The following AKAP14 variants were observed in gnomAD, a reference collection of about 807,000 sequenced individuals.
AKAP14 encodes A-kinase anchor protein 14.
A neutral mutation model predicts 17.0 loss-of-function variants in AKAP14; 4 were observed. The observed-to-expected ratio is 0.23, with a 90% CI of 0.12 to 0.54. The LOEUF (loss-of-function observed/expected upper bound fraction) is 0.54. Among genes scored for constraint, AKAP14 ranks in the 20% least tolerant of loss-of-function variants. AKAP14 has a pLI of 0.95. For missense variants in AKAP14, 129 were observed against 150.9 expected (o/e 0.85, Z 0.76); for synonymous variants, 42 against 51.3 (o/e 0.82, Z 0.77).
At chrX:119,904,418 C>T (rs1455294339) in intron 4 of AKAP14, among the ~76,000 whole-genome samples, 2 of 112,415 alleles carry the variant, frequency 1.8e-5, no homozygotes, top group Non-Finnish European at 3.8e-5. Flanking sequence ...CTGAGAAGGC[C>T]CTGGATTACT....
In AKAP14 at chrX:119,903,356, G is replaced by A. The variant is rs777674983; in HGVS notation, c.133G>A (p.Glu45Lys). 1 of 1,210,625 alleles carries A rather than the reference G, an allele frequency of 8.3e-7. No homozygotes were observed. Among genetic ancestry groups the A allele is most frequent in the South Asian group, 1.8e-5 (1 of 56,854 alleles). ...ELTQVALALV[E>K]DVINYAVKIV... ...GACTCAAGTAGCTCTAGCTCTGGTT[G>A]AGGATGTCATCAATTATGCTGTTAA... The change falls in exon 3 of 7, where the codon GAG becomes AAG. Residue 45 changes from glutamate (E) to lysine (K), a missense_variant. Transcript: ENST00000371431.
intron 2 of AKAP14, among the ~76,000 whole-genome samples, chrX:119,898,145 A>G (rs1383106797): frequency 9.0e-6 from 1 of 111,541 alleles, no homozygotes; most frequent in Non-Finnish European, 1.9e-5. Flanking sequence ...CCTGGGTGAC[A>G]GAGTGAGACT....
chrX:119,915,664 C>A (rs1011200889), intron 5 of AKAP14, among the ~76,000 whole-genome samples: 3 of 111,937 alleles, frequency 2.7e-5, no homozygotes, highest in South Asian at 3.7e-4. Flanking sequence ...CGCCACCATG[C>A]CTGGCTGGTT....
intron 4 of AKAP14, among the ~76,000 whole-genome samples, chrX:119,911,165 C>T (rs1443625362): frequency 9.5e-6 from 1 of 105,408 alleles, no homozygotes; most frequent in Non-Finnish European, 1.9e-5. Flanking sequence ...TCAGCCTGAC[C>T]AACATGGTGA....
chrX:119,898,567 A>C (rs944983148), intron 2 of AKAP14, among the ~76,000 whole-genome samples: 1 of 109,074 alleles, frequency 9.2e-6, no homozygotes, highest in African/African-American at 3.3e-5. Flanking sequence ...ACACCAAGGC[A>C]GGTGTATCAC....
At chrX:119,913,791 CAAT>C (rs2147836651) in intron 4 of AKAP14, among the ~76,000 whole-genome samples, 1 of 109,908 alleles carries the variant, frequency 9.1e-6, no homozygotes, top group South Asian at 3.9e-4. Flanking sequence ...ATCAATCAAT[CAAT>C]CAATCAATCA....
intron 4 of AKAP14, among the ~76,000 whole-genome samples, chrX:119,909,226 C>T (rs753636016): frequency 9.0e-6 from 1 of 111,296 alleles, no homozygotes; most frequent in South Asian, 3.8e-4. Context: ...GTGGCTCATG[C>T]CTGTAATCCC....
intron 2 of AKAP14, among the ~76,000 whole-genome samples, 175 bp downstream of exon 2, chrX:119,896,442 A>C: frequency 1.7e-5 from 1 of 58,341 alleles, no homozygotes; most frequent in South Asian, 1.5e-3. Flanking sequence ...AGGGGAGGAC[A>C]AGGGAGAGGG....
Position 119,906,572 on chromosome X carries a change from C to T in AKAP14, c.261+2986C>T, listed in dbSNP as rs1373255903. Among the ~76,000 whole-genome samples, 16 of 104,805 alleles carry T rather than the reference C, an allele frequency of 1.5e-4. No individual in the cohort carries two copies. In the Admixed American group the frequency reaches 1.7e-3, roughly 11 times the overall value. 91.0% of individuals were successfully genotyped at this position (104,805 alleles called of 115,157 possible). A position where few individuals can be genotyped will look rare whatever the true frequency, so the allele number is the denominator to read the frequency against. ...TTTTGAGACAGAGTTTCACTCTTGT[C>T]ACCCAGGCTGGAGTGCAATGGTGCG... On this transcript the variant is annotated intron_variant, in intron 4 of 6. Coordinates refer to ENST00000371431, the MANE Select transcript of AKAP14 (RefSeq NM_178813.6).
intron 4 of AKAP14, among the ~76,000 whole-genome samples, chrX:119,913,952 T>C (rs1400834823): frequency 1.8e-5 from 2 of 110,746 alleles, no homozygotes; most frequent in African/African-American, 6.5e-5. Context: ...ATATTAGGAG[T>C]GGCCAGGTGC....
chrX:119,916,877 G>A (rs1238805200), intron 5 of AKAP14, among the ~76,000 whole-genome samples: 79 of 102,004 alleles, frequency 7.7e-4, no homozygotes, highest in African/African-American at 2.0e-3. Flanking sequence ...GGAGGCTTAC[G>A]CGGGCAGATC....
chrX:119,901,271 A>G (rs111783938), intron 2 of AKAP14, among the ~76,000 whole-genome samples: 4,383 of 112,018 alleles, frequency 0.039, 84 homozygotes, highest in East Asian at 0.14. Context: ...TACTCATAAG[A>G]GATATATACT....
chrX:119,908,284 C>CAA (rs549133343), intron 4 of AKAP14, among the ~76,000 whole-genome samples: 3,958 of 47,329 alleles, frequency 0.084, 146 homozygotes, highest in East Asian at 0.13. Context: ...GAGACTCTGT[C>CAA]AAAAAAAAAA....
intron 2 of AKAP14, among the ~76,000 whole-genome samples, chrX:119,899,560 C>T (rs940734156): frequency 1.6e-4 from 18 of 110,899 alleles, no homozygotes; most frequent in African/African-American, 5.5e-4. Flanking sequence ...CCCTGAAAGA[C>T]GCTGGGGACT....
intron 2 of AKAP14, among the ~76,000 whole-genome samples, chrX:119,899,475 T>A (rs2147826646): frequency 9.0e-6 from 1 of 111,446 alleles, no homozygotes; most frequent in Admixed American, 9.6e-5. Context: ...TCCCCGGGGC[T>A]AGTAACAGTG....
chrX:119,904,859 T>C (rs2056588290), intron 4 of AKAP14, among the ~76,000 whole-genome samples: 1 of 108,170 alleles, frequency 9.2e-6, no homozygotes, highest in Non-Finnish European at 1.9e-5. Context: ...TTCTCAATCC[T>C]GGGCGACAGA....
chrX:119,914,931 C>T, intron 5 of AKAP14, 53 bp downstream of exon 5: 5 of 1,109,249 alleles, frequency 4.5e-6, no homozygotes, highest in Non-Finnish European at 6.1e-6. Context: ...ATGGAGACTT[C>T]TCTTGTCAAG....
Position 119,920,631 on chromosome X carries a change from G to A in AKAP14, c.*24G>A, listed in dbSNP as rs377291526. 6.3e-6 allele frequency: 7 copies of A among 1,104,087 alleles called. No homozygotes were observed. The highest frequency in any genetic ancestry group is 7.5e-6 in the Non-Finnish European group (6 of 803,674). 91.0% of individuals were successfully genotyped at this position (1,104,087 alleles called of 1,213,427 possible). ...GATACTTACAGGATGTCTTAGGATT[G>A]TTTTTCTCATCAGGATACATTAAAA... On this transcript the variant is annotated 3_prime_UTR_variant, in exon 7 of 7. Coordinates refer to ENST00000371431, the MANE Select transcript of AKAP14 (RefSeq NM_178813.6).
intron 4 of AKAP14, among the ~76,000 whole-genome samples, chrX:119,907,703 C>T (rs1056777360): frequency 2.8e-4 from 31 of 110,801 alleles, no homozygotes; most frequent in African/African-American, 9.5e-4. Context: ...AAGTGGTCCT[C>T]CTGCCTCGGC....
Sources: allele counts gnomAD v4.1 joint callset (sites outside exome capture counted in the v4.1 genomes callset), GRCh38; gene constraint gnomAD v4.1.1; transcripts MANE v1.5; gene names NCBI Gene and HGNC (gene_info 2026-07-23, HGNC 2026-07-21).